The following VWA8 variants were observed in gnomAD, a reference collection of about 807,000 sequenced individuals.
VWA8 encodes the protein von Willebrand factor A domain-containing protein 8.
VWA8 carries 221 observed loss-of-function variants against 241.5 expected under a neutral mutation model. The ratio of observed to expected loss-of-function variants is 0.91; its 90% CI spans 0.82 to 1.02. The LOEUF is 1.02. Among genes scored for constraint, VWA8 ranks in the 50% least tolerant of loss-of-function variants. The pLI, the probability that VWA8 is intolerant of heterozygous loss-of-function variation, is 0.00. For missense variants in VWA8, 2,322 were observed against 2,328.7 expected, an observed-to-expected ratio of 1.00 and a Z score of 0.06; for synonymous variants, 852 against 827.1, an observed-to-expected ratio of 1.03 and a Z score of -0.52.
At chr13:41,686,506 A>ATT (rs200127886) in intron 34 of VWA8, among the ~76,000 whole-genome samples, 1 of 146,634 alleles carries the variant, frequency 6.8e-6, no homozygotes, top group Non-Finnish European at 1.5e-5. Flanking sequence ...TCTTTTGCTC[A>ATT]TTTTTTTTTT....
intron 20 of VWA8, among the ~76,000 whole-genome samples, chr13:41,773,028 C>G (rs1196916417): frequency 1.3e-5 from 2 of 152,196 alleles, no homozygotes; most frequent in Non-Finnish European, 2.9e-5. Context: ...CAGCCAGTTT[C>G]TGGTTTGCAA....
chr13:41,617,471 CAATT>C (rs1009213945), intron 37 of VWA8, among the ~76,000 whole-genome samples: 5 of 151,906 alleles, frequency 3.3e-5, no homozygotes, highest in Non-Finnish European at 7.4e-5. Context: ...CATAAAGACA[CAATT>C]TATTTTTACT....
intron 34 of VWA8, 53 bp downstream of exon 34, chr13:41,689,301 T>C: frequency 2.6e-6 from 4 of 1,556,854 alleles, no homozygotes; most frequent in Non-Finnish European, 3.5e-6. Flanking sequence ...AGATTATAGG[T>C]CAAACTAAGG....
At chr13:41,855,702 C>G (rs1482901382) in intron 12 of VWA8, among the ~76,000 whole-genome samples, 1 of 152,056 alleles carries the variant, frequency 6.6e-6, no homozygotes, top group Non-Finnish European at 1.5e-5. Flanking sequence ...GGGAATTGTT[C>G]AAGGTGATGG....
At chr13:41,763,834 C>T (rs891602010) in intron 20 of VWA8, among the ~76,000 whole-genome samples, 41 of 152,254 alleles carry the variant, frequency 2.7e-4, no homozygotes, top group African/African-American at 9.6e-4. Flanking sequence ...TATTTAAATT[C>T]CTCCTGAGCA....
At chr13:41,697,994 C>T (rs2045226119) in intron 29 of VWA8, among the ~76,000 whole-genome samples, 1 of 152,154 alleles carries the variant, frequency 6.6e-6, no homozygotes, top group South Asian at 2.1e-4. Context: ...CTAGAACTCT[C>T]TTCTTCCAGG....
chr13:41,772,774 C>T (rs532232620), intron 20 of VWA8, among the ~76,000 whole-genome samples: 8 of 152,260 alleles, frequency 5.3e-5, no homozygotes, highest in African/African-American at 1.9e-4. Flanking sequence ...ACAAGTGGTG[C>T]TTGTATTTAG....
chr13:41,579,126 G>A (rs558870777), intron 42 of VWA8, among the ~76,000 whole-genome samples: 2 of 152,318 alleles, frequency 1.3e-5, no homozygotes, highest in Non-Finnish European at 2.9e-5. Flanking sequence ...ACCATTTGCT[G>A]GCTTTAGGAG....
chr13:41,735,577 G>C (rs1384323208), intron 21 of VWA8, among the ~76,000 whole-genome samples: 4 of 152,078 alleles, frequency 2.6e-5, no homozygotes, highest in Non-Finnish European at 5.9e-5. Flanking sequence ...ATGTGGTTTT[G>C]TTCTGCTCTT....
At chr13:41,682,556 G>A (rs2045108238) in intron 35 of VWA8, among the ~76,000 whole-genome samples, 1 of 152,124 alleles carries the variant, frequency 6.6e-6, no homozygotes, top group African/African-American at 2.4e-5. Context: ...AGACCAGCCT[G>A]GGCAACATGG....
At position 41,846,156 on chromosome 13, in the gene VWA8, C is replaced by T. The variant is rs78987128; in HGVS notation, c.1426-12625G>A. Among the ~76,000 whole-genome samples, 30 of 151,930 alleles carry T rather than the reference C, an allele frequency of 2.0e-4. No individual in the cohort carries two copies. In the East Asian group the frequency reaches 5.4e-3, roughly 27 times the overall value. ...AATTCCTGAGCTCTAGTGATCCATC[C>T]GCCCAAGTAGGTGGGAATACAGGTG... On this transcript the variant is annotated intron_variant, in intron 12 of 44. Coordinates refer to ENST00000379310, the MANE Select transcript of VWA8 (RefSeq NM_015058.2).
chr13:41,833,638 T>A (rs1462261394), intron 12 of VWA8, 107 bp from the exon 13 acceptor site: 17 of 1,235,034 alleles, frequency 1.4e-5, no homozygotes, highest in Non-Finnish European at 1.8e-5. Context: ...GAACTTAACA[T>A]TCCATATAGT....
intron 17 of VWA8, among the ~76,000 whole-genome samples, chr13:41,794,540 C>T (rs943745849): frequency 6.6e-6 from 1 of 152,142 alleles, no homozygotes; most frequent in African/African-American, 2.4e-5. Flanking sequence ...TGGGCTGAGA[C>T]AATGGGATTT....
intron 24 of VWA8, 126 bp from the exon 25 acceptor site, chr13:41,721,701 T>A (rs1432161947): frequency 1.0e-6 from 1 of 963,446 alleles, no homozygotes; most frequent in African/African-American, 1.6e-5. Flanking sequence ...CATCCAACAA[T>A]AGGATGGTAC....
chr13:41,645,657 T>C (rs965417989), intron 37 of VWA8, among the ~76,000 whole-genome samples: 1 of 152,122 alleles, frequency 6.6e-6, no homozygotes, highest in Non-Finnish European at 1.5e-5. Flanking sequence ...TCCAGTATCA[T>C]GACTGTTCCA....
intron 17 of VWA8, among the ~76,000 whole-genome samples, chr13:41,794,888 C>T (rs1214224187): frequency 2.0e-5 from 3 of 152,012 alleles, no homozygotes; most frequent in Non-Finnish European, 2.9e-5. Flanking sequence ...GACATAGGCA[C>T]AGGCAAAGAT....
intron 10 of VWA8, among the ~76,000 whole-genome samples, chr13:41,866,281 G>A (rs148210564): frequency 9.0e-4 from 137 of 151,884 alleles, no homozygotes; most frequent in East Asian, 6.0e-3. Context: ...CCCAGGAGGC[G>A]GAGGTTGCAG....
At chr13:41,702,940 G>A (rs1019093004) in intron 27 of VWA8, among the ~76,000 whole-genome samples, 6 of 152,048 alleles carry the variant, frequency 3.9e-5, no homozygotes, top group Non-Finnish European at 8.8e-5. Context: ...AACTAGTAAC[G>A]GACAGTTCTT....
chr13:41,783,963 C>T, intron 18 of VWA8, 62 bp from the exon 19 acceptor site: 1 of 1,246,432 alleles, frequency 8.0e-7, no homozygotes, highest in Non-Finnish European at 1.2e-6. Flanking sequence ...TGCCAAGCCA[C>T]CCAACACAGA....
Sources: allele counts gnomAD v4.1 joint callset (sites outside exome capture counted in the v4.1 genomes callset), GRCh38; gene constraint gnomAD v4.1.1; transcripts MANE v1.5; gene names NCBI Gene and HGNC (gene_info 2026-07-23, HGNC 2026-07-21).